CNTN4: variants seen among roughly 807,000 people sequenced by gnomAD.
The protein encoded by CNTN4 is contactin 4.
Under a neutral mutation model 122.5 loss-of-function variants are expected in CNTN4, and 77 were observed. That is an observed-to-expected ratio of 0.63 (90% CI 0.52 to 0.76). CNTN4 has a LOEUF of 0.76. Among genes scored for constraint, CNTN4 ranks in the 30% least tolerant of loss-of-function variants. The probability of loss-of-function intolerance (pLI) is 0.00; values close to 1 mark genes in which losing one functional copy is unlikely to be tolerated. For synonymous variants in CNTN4, 512 were observed against 447.0 expected (o/e 1.15, Z -1.83); for missense variants, 1,256 against 1,259.1 (o/e 1.00, Z 0.04).
chr3:2,734,583 A>G (rs116034243), intron 4 of CNTN4, among the ~76,000 whole-genome samples: 2,986 of 151,334 alleles, frequency 0.02, 98 homozygotes, highest in African/African-American at 0.069. Context: ...CAGTAATAAG[A>G]TAGAATTCTG....
chr3:2,265,693 C>T (rs1175846050), intron 2 of CNTN4, among the ~76,000 whole-genome samples: 1 of 151,882 alleles, frequency 6.6e-6, no homozygotes, highest in Non-Finnish European at 1.5e-5. Flanking sequence ...TCTTCTAATT[C>T]ATGAACATGG....
At chr3:2,180,770 GTGAC>G (rs1449954038) in intron 2 of CNTN4, among the ~76,000 whole-genome samples, 2 of 152,076 alleles carry the variant, frequency 1.3e-5, no homozygotes, top group African/African-American at 2.4e-5. Context: ...GGATAACTGA[GTGAC>G]TGACAGCGAT....
intron 23 of CNTN4, among the ~76,000 whole-genome samples, chr3:3,047,989 A>C (rs1700848386): frequency 6.6e-6 from 1 of 152,214 alleles, no homozygotes; most frequent in Non-Finnish European, 1.5e-5. Flanking sequence ...ACCAGATGGT[A>C]GGAAAGGACA....
At chr3:2,211,996 T>G (rs1206020393) in intron 2 of CNTN4, among the ~76,000 whole-genome samples, 2 of 152,176 alleles carry the variant, frequency 1.3e-5, no homozygotes, top group Non-Finnish European at 2.9e-5. Flanking sequence ...CCTTTTGAGA[T>G]GGGGTCTTGC....
At chr3:2,262,564 C>T (rs972623176) in intron 2 of CNTN4, 9 of 150,578 alleles carry the variant, frequency 6.0e-5, no homozygotes, top group Non-Finnish European at 1.0e-4. Context: ...TTTTTCTGCC[C>T]AGTGGATTTT....
intron 4 of CNTN4, among the ~76,000 whole-genome samples, chr3:2,644,814 G>T (rs2083049013): frequency 6.8e-6 from 1 of 147,092 alleles, no homozygotes; most frequent in African/African-American, 2.5e-5. Flanking sequence ...GTTGCATCTA[G>T]AGATAAACGC....
chr3:2,606,167 A>G (rs564498422), intron 4 of CNTN4, among the ~76,000 whole-genome samples: 14 of 152,292 alleles, frequency 9.2e-5, no homozygotes, highest in African/African-American at 3.4e-4. Flanking sequence ...ATTGATAGGG[A>G]GGTCAGTATG....
chr3:2,194,020 CTT>C lies in CNTN4; in HGVS notation c.-145+93384_-145+93385del, dbSNP rs554571110. ...CATCCTTGTGAAGTGATGTGTGACT[CTT>C]TTCAGTTCAATGAAGTTAGTAACTG... On this transcript the variant is annotated intron_variant, in intron 2 of 24. Transcript: ENST00000418658. Among the ~76,000 whole-genome samples the C allele has an allele frequency of 1.5e-3, 235 of 152,224 alleles. 1 individual carries two copies. The highest frequency in any genetic ancestry group is 5.5e-3 in the African/African-American group (227 of 41,540).
intron 3 of CNTN4, among the ~76,000 whole-genome samples, chr3:2,345,811 G>A (rs1171291023): frequency 6.6e-6 from 1 of 152,204 alleles, no homozygotes; most frequent in Non-Finnish European, 1.5e-5. Flanking sequence ...GGCTACTGAT[G>A]ATGAGTGGGC....
At chr3:2,120,374 A>AATATATATATATATATATATAAATATAT (rs2033653983) in intron 2 of CNTN4, among the ~76,000 whole-genome samples, 1 of 59,094 alleles carries the variant, frequency 1.7e-5, no homozygotes, top group Non-Finnish European at 3.2e-5. Context: ...TATATATATA[A>AATATATATATATATATATATAAATATAT]ATATATATAT....
At chr3:2,563,726 A>G (rs2079048360) in intron 3 of CNTN4, among the ~76,000 whole-genome samples, 1 of 152,192 alleles carries the variant, frequency 6.6e-6, no homozygotes, top group Non-Finnish European at 1.5e-5. Context: ...CTGTTTTTCA[A>G]CTGAATTGCT....
intron 4 of CNTN4, among the ~76,000 whole-genome samples, chr3:2,661,574 A>T (rs575342863): frequency 6.6e-6 from 1 of 152,126 alleles, no homozygotes; most frequent in East Asian, 1.9e-4. Context: ...GCACTTTGGA[A>T]GGCCGAGGTG....
At chr3:2,145,828 A>G (rs778815550) in intron 2 of CNTN4, among the ~76,000 whole-genome samples, 1 of 151,802 alleles carries the variant, frequency 6.6e-6, no homozygotes, top group Non-Finnish European at 1.5e-5. Context: ...CCCACTTTTA[A>G]TATGAGAATA....
intron 7 of CNTN4, chr3:2,866,376 T>A: frequency 1.4e-6 from 1 of 729,876 alleles, no homozygotes; most frequent in Non-Finnish European, 1.7e-6. Context: ...CAGGGTGGCT[T>A]CCAGCATTAC....
chr3:2,781,466 A>G (rs1346545200), intron 6 of CNTN4, among the ~76,000 whole-genome samples: 1 of 151,918 alleles, frequency 6.6e-6, no homozygotes, highest in Non-Finnish European at 1.5e-5. Flanking sequence ...AAGAGATATT[A>G]TTTGAATGTT....
At chr3:2,686,808 T>C (rs955616796) in intron 4 of CNTN4, among the ~76,000 whole-genome samples, 5 of 152,210 alleles carry the variant, frequency 3.3e-5, no homozygotes, top group Non-Finnish European at 7.3e-5. Flanking sequence ...TTATCACTTC[T>C]ATAAGCCAGT....
rs996766828 is a variant in CNTN4 at position 2,344,253 on chromosome 3, C to G, written c.-89+5020C>G. On this transcript the variant is annotated intron_variant, in intron 3 of 24. Coordinates refer to ENST00000418658, the MANE Select transcript of CNTN4 (RefSeq NM_175607.3). ...TTCCTGAGAGTCCTGTCTGACCTGA[C>G]TGCCAAGGCCAAAGGCCAGGTCAAA... Among the ~76,000 whole-genome samples, 5 of 151,850 alleles carry G rather than the reference C, an allele frequency of 3.3e-5. No homozygotes were observed. In the South Asian group the frequency reaches 1.0e-3, roughly 31 times the overall value.
intron 4 of CNTN4, among the ~76,000 whole-genome samples, chr3:2,589,109 A>T (rs192334574): frequency 1.1e-4 from 16 of 152,258 alleles, no homozygotes; most frequent in Admixed American, 7.2e-4. Flanking sequence ...GAGTGACATA[A>T]AGGGGCCAGA....
intron 2 of CNTN4, among the ~76,000 whole-genome samples, chr3:2,178,151 T>A (rs940649947): frequency 2.0e-5 from 3 of 152,004 alleles, no homozygotes; most frequent in African/African-American, 7.3e-5. Context: ...GTTGAAGGTA[T>A]TTGTGTAAGG....
Sources: gnomAD v4.1 joint callset for allele counts (sites outside exome capture counted in the v4.1 genomes callset) on GRCh38, gnomAD v4.1.1 for gene constraint, MANE v1.5 for transcripts, NCBI Gene and HGNC (gene_info 2026-07-23, HGNC 2026-07-21) for gene names.